The following RALGAPA1 variants were observed in gnomAD, a reference collection of about 807,000 sequenced individuals.
The protein encoded by RALGAPA1 is ral GTPase-activating protein subunit alpha-1.
In RALGAPA1, 52 loss-of-function variants were observed where a neutral mutation model predicts 269.6. The ratio of observed to expected loss-of-function variants is 0.19; its 90% CI spans 0.15 to 0.24. RALGAPA1 has a LOEUF of 0.24. Ranked by LOEUF, RALGAPA1 falls within the 10% of genes least tolerant of loss-of-function variation. The probability of loss-of-function intolerance (pLI) is 1.00; values close to 1 mark genes in which losing one functional copy is unlikely to be tolerated. For synonymous variants in RALGAPA1, 817 were observed against 1,008.3 expected (o/e 0.81, Z 3.60); for missense variants, 1,917 against 3,013.9 (o/e 0.64, Z 8.52).
chr14:35,619,287 A>G (rs1271477250), intron 35 of RALGAPA1, among the ~76,000 whole-genome samples: 1 of 152,170 alleles, frequency 6.6e-6, no homozygotes, highest in African/African-American at 2.4e-5. Context: ...ATTTTCCATG[A>G]TGTGATTTAT....
At chr14:35,676,228 T>G (rs61989610) in intron 22 of RALGAPA1, 1 of 151,818 alleles carries the variant, frequency 6.6e-6, no homozygotes, top group South Asian at 2.1e-4. Flanking sequence ...TTTTTTTTTT[T>G]GAGACAGTCT....
At chr14:35,551,563 G>C (rs925163942) in intron 39 of RALGAPA1, among the ~76,000 whole-genome samples, 1 of 152,086 alleles carries the variant, frequency 6.6e-6, no homozygotes, top group Middle Eastern at 3.4e-3. Context: ...TACTTTCAGA[G>C]GGCCTATAAA....
At chr14:35,699,357 T>C (rs2067154500) in intron 17 of RALGAPA1, among the ~76,000 whole-genome samples, 2 of 152,160 alleles carry the variant, frequency 1.3e-5, no homozygotes, top group East Asian at 3.8e-4. Flanking sequence ...GGGAAACTTT[T>C]TGAGGTAGTG....
At chr14:35,716,155 A>G (rs1162557270) in intron 16 of RALGAPA1, 1 of 880,876 alleles carries the variant, frequency 1.1e-6, no homozygotes, top group African/African-American at 1.8e-5. Context: ...GCACTTTGGG[A>G]GGCCGAGGAG....
intron 30 of RALGAPA1, 105 bp downstream of exon 30, chr14:35,654,262 G>C (rs1474772042): frequency 2.6e-6 from 3 of 1,172,486 alleles, no homozygotes; most frequent in Non-Finnish European, 1.1e-6. Flanking sequence ...CCATTATTTA[G>C]CTATGCAAAA....
At chr14:35,751,955 C>T in intron 8 of RALGAPA1, 69 bp downstream of exon 8, 2 of 1,523,122 alleles carry the variant, frequency 1.3e-6, no homozygotes, top group Non-Finnish European at 1.8e-6. Context: ...GTAACAAATG[C>T]CAACTTTACA....
chr14:35,717,566 TA>T (rs1338657424), intron 16 of RALGAPA1, among the ~76,000 whole-genome samples: 2 of 152,130 alleles, frequency 1.3e-5, no homozygotes, highest in African/African-American at 4.8e-5. Context: ...CAACTTATTT[TA>T]TTTTTTTTTT....
intron 17 of RALGAPA1, among the ~76,000 whole-genome samples, chr14:35,698,153 T>C (rs1169071330): frequency 2.0e-5 from 3 of 152,158 alleles, no homozygotes; most frequent in Non-Finnish European, 2.9e-5. Context: ...TTACCCCAGA[T>C]AGGGAAAAGG....
intron 8 of RALGAPA1, 91 bp downstream of exon 8, chr14:35,751,933 C>G (rs554399508): frequency 5.4e-6 from 8 of 1,479,842 alleles, no homozygotes; most frequent in Non-Finnish European, 7.2e-6. Context: ...TAAATATGAT[C>G]AGTTTCCTGC....
chr14:35,705,490 G>A (rs960513763), intron 16 of RALGAPA1, among the ~76,000 whole-genome samples: 4 of 146,712 alleles, frequency 2.7e-5, no homozygotes, highest in African/African-American at 1.0e-4. Flanking sequence ...GTTTCTTCAT[G>A]TTTTTTTTTT....
chr14:35,624,010 C>T (rs1282717684), intron 35 of RALGAPA1, among the ~76,000 whole-genome samples: 1 of 151,544 alleles, frequency 6.6e-6, no homozygotes, highest in Non-Finnish European at 1.5e-5. Context: ...TGGCGTGAAC[C>T]CGGGAGGCGG....
At chr14:35,719,969 G>T (rs1479558342) in intron 16 of RALGAPA1, among the ~76,000 whole-genome samples, 1 of 152,140 alleles carries the variant, frequency 6.6e-6, no homozygotes, top group Non-Finnish European at 1.5e-5. Context: ...GGTCAGGCTG[G>T]TCTCGAACTC....
At chr14:35,682,275 C>T (rs1054883333) in intron 21 of RALGAPA1, among the ~76,000 whole-genome samples, 2 of 151,616 alleles carry the variant, frequency 1.3e-5, no homozygotes, top group African/African-American at 4.8e-5. Context: ...GCTCCACACT[C>T]ATTTCAACAC....
chr14:35,730,986 C>T (rs1256614793), intron 12 of RALGAPA1, among the ~76,000 whole-genome samples: 1 of 152,248 alleles, frequency 6.6e-6, no homozygotes, highest in Admixed American at 6.5e-5. Context: ...CTTCATTTCA[C>T]CTGCTGCCAC....
intron 1 of RALGAPA1, among the ~76,000 whole-genome samples, chr14:35,796,356 G>A (rs1397552033): frequency 6.6e-6 from 1 of 152,126 alleles, no homozygotes; most frequent in Non-Finnish European, 1.5e-5. Flanking sequence ...AAAAAAATCA[G>A]TAAACTATGA....
In RALGAPA1 at chr14:35,775,615, GAT is replaced by G. The variant is rs1328008653; in HGVS notation, c.217+18_217+19del. The stretch of plus-strand genomic sequence containing the variant: ...TATTAGAAATATTAACATACGCCAA[GAT>G]ATATGTTAGCATCTTACCTTTCTGT... On this transcript the variant is annotated intron_variant, in intron 2 of 41. Transcript: ENST00000680220. 3 of 1,554,388 alleles carry G rather than the reference GAT, an allele frequency of 1.9e-6. No individual in the cohort carries two copies. Among genetic ancestry groups the G allele is most frequent in the East Asian group, 2.4e-5 (1 of 41,498 alleles).
chr14:35,787,282 C>T (rs138153329), intron 1 of RALGAPA1, among the ~76,000 whole-genome samples: 23 of 152,274 alleles, frequency 1.5e-4, no homozygotes, highest in South Asian at 8.3e-4. Context: ...TAAGCAAGAA[C>T]GGGTAATTAT....
intron 1 of RALGAPA1, among the ~76,000 whole-genome samples, chr14:35,797,484 G>A (rs543779434): frequency 6.6e-6 from 1 of 152,222 alleles, no homozygotes; most frequent in African/African-American, 2.4e-5. Flanking sequence ...CTAGTTAGAA[G>A]GAATAAGTTC....
chr14:35,750,297 G>A (rs905621460), intron 9 of RALGAPA1, among the ~76,000 whole-genome samples, 185 bp downstream of exon 9: 12 of 151,928 alleles, frequency 7.9e-5, no homozygotes, highest in Non-Finnish European at 1.6e-4. Context: ...TATACTTCCC[G>A]TTTCATTTCT....
Sources: allele counts gnomAD v4.1 joint callset (sites outside exome capture counted in the v4.1 genomes callset), GRCh38; gene constraint gnomAD v4.1.1; transcripts MANE v1.5; gene names NCBI Gene and HGNC (gene_info 2026-07-23, HGNC 2026-07-21).